The following IQCK variants were observed in gnomAD, a reference collection of about 807,000 sequenced individuals.
The protein encoded by IQCK is IQ motif containing K, also known as IQ domain-containing protein K.
In IQCK, 29 loss-of-function variants were observed where a neutral mutation model predicts 28.1. That is an observed-to-expected ratio of 1.03 (90% CI 0.77 to 1.41). The LOEUF (loss-of-function observed/expected upper bound fraction) is 1.41. IQCK is among the 40% of genes most tolerant of loss of function. The pLI, the probability that IQCK is intolerant of heterozygous loss-of-function variation, is 0.00. For synonymous variants in IQCK, 113 were observed against 115.1 expected (o/e 0.98, Z 0.12); for missense variants, 359 against 314.7 (o/e 1.14, Z -1.07).
chr16:19,732,478 A>G (rs1977872390), intron 2 of IQCK, among the ~76,000 whole-genome samples: 1 of 152,038 alleles, frequency 6.6e-6, no homozygotes, highest in Non-Finnish European at 1.5e-5. Context: ...GGGTCTCTAA[A>G]TCAACTTTTT....
Position 19,837,957 on chromosome 16 carries a change from AGTTCCTGTTC to A in IQCK, c.802+10822_802+10831del, listed in dbSNP as rs79739774. Among the ~76,000 whole-genome samples, 177 of 152,348 alleles carry A rather than the reference AGTTCCTGTTC, an allele frequency of 1.2e-3. No individual in the cohort carries two copies. The East Asian group carries it at 0.025, about 22-fold the overall frequency. ...TTTGGTCTAAAATTCAGGGGATCTG[AGTTCCTGTTC>A]GACTGTGCAATTTACCAGCTACATG... On this transcript the variant is annotated intron_variant, in intron 9 of 9. Transcript: ENST00000320394.
chr16:19,827,044 A>G, exon 8 of IQCK: 1 of 1,613,976 alleles, frequency 6.2e-7, no homozygotes, highest in East Asian at 2.2e-5. Flanking sequence ...TGATCCTGAG[A>G]TTCAAGAACT....
intron 9 of IQCK, among the ~76,000 whole-genome samples, chr16:19,844,409 A>G (rs2056393243): frequency 6.6e-6 from 1 of 152,066 alleles, no homozygotes; most frequent in African/African-American, 2.4e-5. Context: ...AGTTGAACCC[A>G]ATTTCAGCTG....
At chr16:19,732,242 C>G (rs758942384) in intron 2 of IQCK, among the ~76,000 whole-genome samples, 16 of 152,188 alleles carry the variant, frequency 1.1e-4, no homozygotes, top group Non-Finnish European at 2.1e-4. Context: ...CCTAGGTATC[C>G]CTTACTCCAG....
chr16:19,744,692 GA>G (rs1365639862), intron 4 of IQCK, among the ~76,000 whole-genome samples: 6 of 152,160 alleles, frequency 3.9e-5, no homozygotes, highest in African/African-American at 1.4e-4. Flanking sequence ...AAGTAATTGA[GA>G]TTTTTTAAGT....
intron 9 of IQCK, among the ~76,000 whole-genome samples, chr16:19,847,346 G>A (rs1050275756): frequency 9.9e-5 from 15 of 152,114 alleles, no homozygotes; most frequent in African/African-American, 2.9e-4. Flanking sequence ...TGTGATTGAG[G>A]TGGCACTCAC....
At chr16:19,760,026 G>A (rs1186178258) in intron 4 of IQCK, among the ~76,000 whole-genome samples, 3 of 152,280 alleles carry the variant, frequency 2.0e-5, no homozygotes, top group Non-Finnish European at 1.5e-5. Context: ...CTACTCAAGA[G>A]GCTGAGGCAG....
chr16:19,803,138 G>A (rs1027692692), intron 7 of IQCK, among the ~76,000 whole-genome samples: 4 of 151,834 alleles, frequency 2.6e-5, no homozygotes, highest in Admixed American at 2.6e-4. Context: ...GTTTTGTTTT[G>A]TTTGTTTGTT....
intron 6 of IQCK, among the ~76,000 whole-genome samples, chr16:19,770,659 G>A (rs2151717491): frequency 6.6e-6 from 1 of 152,212 alleles, no homozygotes; most frequent in South Asian, 2.1e-4. Context: ...GTCTAACTCT[G>A]TCACCCAGGG....
intron 1 of IQCK, among the ~76,000 whole-genome samples, chr16:19,725,343 T>C (rs1176415038): frequency 3.9e-5 from 6 of 152,024 alleles, no homozygotes; most frequent in Admixed American, 2.0e-4. Context: ...ATTACAGGCG[T>C]GCGCCACCAC....
intron 7 of IQCK, among the ~76,000 whole-genome samples, chr16:19,812,043 A>G (rs1479405751): frequency 6.8e-6 from 1 of 147,816 alleles, no homozygotes; most frequent in Non-Finnish European, 1.5e-5. Flanking sequence ...ACTAGAGTAC[A>G]GTGGTGCAAA....
At chr16:19,857,805 C>T (rs1454627497) in exon 10 of IQCK, 2 of 154,240 alleles carry the variant, frequency 1.3e-5, no homozygotes, top group Non-Finnish European at 2.8e-5. Context: ...ATCTTCAACT[C>T]TGGAATCCCT....
At chr16:19,729,023 A>G (rs906589283) in intron 1 of IQCK, among the ~76,000 whole-genome samples, 5 of 152,214 alleles carry the variant, frequency 3.3e-5, no homozygotes, top group Non-Finnish European at 5.9e-5. Flanking sequence ...CTTTCCAGAA[A>G]TATTTTTACC....
intron 7 of IQCK, among the ~76,000 whole-genome samples, chr16:19,809,378 C>G (rs1046303213): frequency 2.6e-5 from 4 of 152,194 alleles, no homozygotes; most frequent in Admixed American, 2.0e-4. Flanking sequence ...CAGCTGGTGA[C>G]CTGGCTGGGC....
intron 6 of IQCK, among the ~76,000 whole-genome samples, chr16:19,771,657 G>A (rs1275286123): frequency 1.3e-5 from 2 of 152,264 alleles, no homozygotes; most frequent in East Asian, 3.9e-4. Flanking sequence ...TATAACCATT[G>A]TTGACATTTT....
At chr16:19,803,819 A>AT (rs1428159724) in intron 7 of IQCK, among the ~76,000 whole-genome samples, 7 of 151,680 alleles carry the variant, frequency 4.6e-5, no homozygotes, top group African/African-American at 7.3e-5. Context: ...CAAACAGCTA[A>AT]TTTTTTTTGT....
intron 4 of IQCK, among the ~76,000 whole-genome samples, chr16:19,754,165 G>T (rs2055022375): frequency 6.6e-6 from 1 of 152,128 alleles, no homozygotes; most frequent in African/African-American, 2.4e-5. Flanking sequence ...CCCAGGTCAG[G>T]AGCTGCAGGG....
chr16:19,774,506 A>G (rs2055364553), intron 6 of IQCK, among the ~76,000 whole-genome samples: 2 of 146,218 alleles, frequency 1.4e-5, no homozygotes, highest in African/African-American at 5.2e-5. Flanking sequence ...CTCATGGGCA[A>G]GTAGCTGGGA....
intron 4 of IQCK, among the ~76,000 whole-genome samples, chr16:19,758,556 C>T (rs1389521405): frequency 6.6e-6 from 1 of 152,216 alleles, no homozygotes; most frequent in Non-Finnish European, 1.5e-5. Flanking sequence ...GAGAGAGACA[C>T]TGCCATCCTA....
Sources: allele counts gnomAD v4.1 joint callset (sites outside exome capture counted in the v4.1 genomes callset), GRCh38; gene constraint gnomAD v4.1.1; transcripts MANE v1.5; gene names NCBI Gene and HGNC (gene_info 2026-07-23, HGNC 2026-07-21).